The following PDE1C variants were observed in gnomAD, a reference collection of about 807,000 sequenced individuals.
The protein encoded by PDE1C is dual specificity calcium/calmodulin-dependent 3',5'-cyclic nucleotide phosphodiesterase 1C.
In PDE1C, 62 loss-of-function variants were observed where a neutral mutation model predicts 93.1. The ratio of observed to expected loss-of-function variants is 0.67; its 90% CI spans 0.54 to 0.82. The LOEUF (loss-of-function observed/expected upper bound fraction) is 0.82. Among genes scored for constraint, PDE1C ranks in the 40% least tolerant of loss-of-function variants. The probability of loss-of-function intolerance (pLI) is 0.00; values close to 1 mark genes in which losing one functional copy is unlikely to be tolerated. For missense variants in PDE1C, 742 were observed against 884.6 expected (o/e 0.84, Z 2.04); for synonymous variants, 325 against 310.1 (o/e 1.05, Z -0.50).
intron 2 of PDE1C, among the ~76,000 whole-genome samples, chr7:32,010,755 G>A (rs575953678): frequency 6.6e-6 from 1 of 152,266 alleles, no homozygotes; most frequent in East Asian, 1.9e-4. Context: ...TCCTTGGCTT[G>A]GAGATGGCTC....
Position 32,196,916 on chromosome 7 carries a change from T to G in PDE1C, c.136+12573A>C, listed in dbSNP as rs570312722. On this transcript the variant is annotated intron_variant, in intron 2 of 18. Coordinates refer to the PDE1C transcript ENST00000396193. ...TTGTAGGTTTTCAGTTAATATTGCCTAATAAATAGGATGGCACCAATTCAG... is the reference window on the plus strand; with the variant it reads ...TTGTAGGTTTTCAGTTAATATTGCCGAATAAATAGGATGGCACCAATTCAG... 7.9e-5 allele frequency among the ~76,000 whole-genome samples: 12 copies of G among 152,340 alleles called. No individual in the cohort carries two copies. The East Asian group carries it at 2.1e-3, about 27-fold the overall frequency.
At chr7:32,255,960 G>A (rs1160497355) in intron 1 of PDE1C, among the ~76,000 whole-genome samples, 1 of 152,164 alleles carries the variant, frequency 6.6e-6, no homozygotes, top group African/African-American at 2.4e-5. Flanking sequence ...CATGTGTTTT[G>A]GATAAAGCAC....
At chr7:32,170,893 T>TC (rs1178599665) in intron 2 of PDE1C, among the ~76,000 whole-genome samples, 2 of 151,910 alleles carry the variant, frequency 1.3e-5, no homozygotes, top group African/African-American at 4.8e-5. Flanking sequence ...CCCTGACCAC[T>TC]CTCCACTGGG....
At chr7:32,132,769 G>A (rs1000555339) in intron 3 of PDE1C, among the ~76,000 whole-genome samples, 1 of 152,146 alleles carries the variant, frequency 6.6e-6, no homozygotes, top group African/African-American at 2.4e-5. Flanking sequence ...CAGTTAGAAG[G>A]ATATTTTAGT....
intron 2 of PDE1C, among the ~76,000 whole-genome samples, chr7:31,910,119 A>T (rs1801047818): frequency 6.6e-6 from 1 of 152,162 alleles, no homozygotes; most frequent in Non-Finnish European, 1.5e-5. Flanking sequence ...AAATGGAAAC[A>T]CGCCCAGGGT....
chr7:31,626,519 A>C, the PDE1C span, among the ~76,000 whole-genome samples: 1 of 152,184 alleles, frequency 6.6e-6, no homozygotes, highest in Non-Finnish European at 1.5e-5. Flanking sequence ...CTTTGCTGTC[A>C]TGAATATCAC....
intron 1 of PDE1C, among the ~76,000 whole-genome samples, chr7:32,275,801 G>A (rs747392946): frequency 3.3e-5 from 5 of 152,122 alleles, no homozygotes; most frequent in South Asian, 2.1e-4. Context: ...CAAACCCCAC[G>A]ACCACACAGA....
chr7:32,323,806 C>T (rs906279806), intron 1 of PDE1C, among the ~76,000 whole-genome samples: 4 of 152,186 alleles, frequency 2.6e-5, no homozygotes, highest in Non-Finnish European at 5.9e-5. Context: ...GTTAGCTCTC[C>T]GTCCCAACCC....
intron 1 of PDE1C, among the ~76,000 whole-genome samples, chr7:32,339,264 A>T (rs916263042): frequency 1.3e-5 from 2 of 152,212 alleles, no homozygotes; most frequent in Admixed American, 1.3e-4. Flanking sequence ...TAAAAGTCAT[A>T]ATAGGACAAA....
At chr7:32,255,187 AGAGCATTAAT>A (rs1809694897) in intron 1 of PDE1C, among the ~76,000 whole-genome samples, 1 of 152,192 alleles carries the variant, frequency 6.6e-6, no homozygotes. Flanking sequence ...AAAGCTCTTA[AGAGCATTAAT>A]GAGTTCATGG....
chr7:31,620,025 C>T, the PDE1C span, among the ~76,000 whole-genome samples: 1 of 152,182 alleles, frequency 6.6e-6, no homozygotes, highest in African/African-American at 2.4e-5. Flanking sequence ...AGTCTGAGAT[C>T]AAACTGCAAG....
chr7:31,923,982 A>G (rs1311433811), intron 2 of PDE1C, among the ~76,000 whole-genome samples: 2 of 152,114 alleles, frequency 1.3e-5, no homozygotes, highest in East Asian at 1.9e-4. Flanking sequence ...GCTTTTTTCT[A>G]TTCAAGATCT....
At chr7:32,043,675 G>T (rs908389162) in intron 2 of PDE1C, among the ~76,000 whole-genome samples, 3 of 152,146 alleles carry the variant, frequency 2.0e-5, no homozygotes. Flanking sequence ...TTGAAGCACT[G>T]ATTAAAGCTA....
At chr7:32,180,152 C>A (rs1020491628) in intron 2 of PDE1C, among the ~76,000 whole-genome samples, 1 of 152,134 alleles carries the variant, frequency 6.6e-6, no homozygotes, top group Non-Finnish European at 1.5e-5. Context: ...TTTTGAATAT[C>A]TTAAATCAGT....
chr7:31,888,780 A>C (rs1798276561), intron 2 of PDE1C, among the ~76,000 whole-genome samples: 1 of 152,156 alleles, frequency 6.6e-6, no homozygotes, highest in Admixed American at 6.5e-5. Flanking sequence ...AAGAAAGAAG[A>C]AATAATAGAC....
At chr7:32,014,581 C>A (rs1249019261) in intron 2 of PDE1C, among the ~76,000 whole-genome samples, 1 of 152,046 alleles carries the variant, frequency 6.6e-6, no homozygotes, top group African/African-American at 2.4e-5. Flanking sequence ...GTTTTCAGCC[C>A]CGCATGCATT....
the PDE1C span, among the ~76,000 whole-genome samples, chr7:31,739,277 T>C: frequency 6.6e-6 from 1 of 150,794 alleles, no homozygotes; most frequent in Admixed American, 6.6e-5. Context: ...GATCTCATCT[T>C]TATATGAGTG....
chr7:32,333,348 T>C (rs1042570249), intron 1 of PDE1C, among the ~76,000 whole-genome samples: 3 of 152,204 alleles, frequency 2.0e-5, no homozygotes, highest in Non-Finnish European at 2.9e-5. Context: ...TCCCTTTCAA[T>C]GTAGTGTTTT....
rs147151538 is a variant in PDE1C at position 31,814,019 on chromosome 7, C to CGTGT, written c.1813+1901_1813+1904dup. On this transcript the variant is annotated intron_variant, in intron 15 of 17. Transcript: ENST00000396191. ...TTTTTATGGCTGAATAGTATTCCAT[C>CGTGT]GTGTGTGTGTGTGTGTGTGTATACA... 9.0e-3 allele frequency among the ~76,000 whole-genome samples: 1,342 copies of CGTGT among 149,430 alleles called. 10 individuals are homozygous for CGTGT. Among genetic ancestry groups the CGTGT allele is most frequent in the African/African-American group, 0.02 (802 of 40,756 alleles).
Sources: gnomAD v4.1 joint callset for allele counts (sites outside exome capture counted in the v4.1 genomes callset) on GRCh38, gnomAD v4.1.1 for gene constraint, MANE v1.5 for transcripts, NCBI Gene and HGNC (gene_info 2026-07-23, HGNC 2026-07-21) for gene names.